Variants in HEPHL1 observed in about 807,000 individuals in gnomAD.
HEPHL1 encodes the protein hephaestin like 1.
HEPHL1 carries 123 observed loss-of-function variants against 122.0 expected under a neutral mutation model. That is an observed-to-expected ratio of 1.01 (90% CI 0.87 to 1.17). The LOEUF is 1.17. HEPHL1 is among the 50% of genes most tolerant of loss of function. The probability of loss-of-function intolerance (pLI) is 0.00; values close to 1 mark genes in which losing one functional copy is unlikely to be tolerated. For missense variants in HEPHL1, 1,452 were observed against 1,430.5 expected, an observed-to-expected ratio of 1.01 and a Z score of -0.24; for synonymous variants, 527 against 508.9, an observed-to-expected ratio of 1.04 and a Z score of -0.48.
chr11:94,085,950 T>A (rs759124603), intron 10 of HEPHL1, 27 bp from the exon 11 acceptor site: 7 of 1,569,794 alleles, frequency 4.5e-6, no homozygotes, highest in Non-Finnish European at 6.1e-6. Context: ...ACTGATAATT[T>A]TTCACCGTCT....
intron 1 of HEPHL1, among the ~76,000 whole-genome samples, chr11:94,036,106 C>A (rs867428646): frequency 1.3e-5 from 2 of 152,176 alleles, no homozygotes; most frequent in Admixed American, 6.5e-5. Context: ...GCCTGAAGTT[C>A]ATGGAAGCCC....
rs1395740862 is a variant in HEPHL1, at chr11:94,113,922, T to C, written c.*2028T>C. ...CACAAATAATATGACTTCTCAAACA[T>C]TGTTTCCTCAAACATAACTACACTC... On this transcript the variant is annotated 3_prime_UTR_variant, in exon 20 of 20. Transcript: ENST00000315765. 1.3e-5 allele frequency among the ~76,000 whole-genome samples: 2 copies of C among 152,210 alleles called. No individual in the cohort carries two copies. Among genetic ancestry groups the C allele is most frequent in the African/African-American group, 2.4e-5 (1 of 41,450 alleles).
At position 94,099,125 on chromosome 11, in the gene HEPHL1, T is replaced by A. The variant is rs1050299257; in HGVS notation, c.2435-2070T>A. ...AATTTTCAGCTTTTCTGCTCTGTTT[T>A]TTCCCCATCTTTGTGGTTTTATCTA... On this transcript the variant is annotated intron_variant, in intron 13 of 19. Transcript: ENST00000315765. Among the ~76,000 whole-genome samples, 4 of 152,246 alleles carry A rather than the reference T, an allele frequency of 2.6e-5. No homozygotes were observed. In the East Asian group the frequency reaches 7.7e-4, roughly 29 times the overall value.
intron 1 of HEPHL1, among the ~76,000 whole-genome samples, chr11:94,031,778 G>A (rs1250393074): frequency 6.6e-6 from 1 of 152,146 alleles, no homozygotes; most frequent in African/African-American, 2.4e-5. Flanking sequence ...TCCCTACCAC[G>A]GACTCCACCT....
In HEPHL1 at chr11:94,111,537, A is replaced by T. The variant is rs1339165508; in HGVS notation, c.3209A>T (p.Asp1070Val). 1 of 1,597,384 alleles carries T rather than the reference A, an allele frequency of 6.3e-7. No homozygotes were observed. The highest frequency in any genetic ancestry group is 1.1e-5 in the South Asian group (1 of 88,192). ...CAATGAACTTGTTTTCTTTGTGCAG[A>T]CAACAGGATTCCTTACTCCACCACA... Reference protein sequence around the residue: ...ETTYTVLRNIDNRIPYSTTSP... With the variant: ...ETTYTVLRNIVNRIPYSTTSP... The change falls in exon 19 of 20, where the codon GAC becomes GTC. Residue 1070 changes from aspartate (D) to valine (V), a missense_variant and splice_region_variant. Transcript: ENST00000315765.
intron 12 of HEPHL1, among the ~76,000 whole-genome samples, chr11:94,091,858 C>T (rs1006449871): frequency 1.3e-5 from 2 of 152,090 alleles, no homozygotes; most frequent in Non-Finnish European, 2.9e-5. Context: ...AGGGAGAGCA[C>T]ATCATGTTCA....
At chr11:94,104,163 T>C (rs1241260038) in intron 15 of HEPHL1, among the ~76,000 whole-genome samples, 2 of 151,462 alleles carry the variant, frequency 1.3e-5, no homozygotes, top group African/African-American at 2.4e-5. Context: ...GTAGAGGGAG[T>C]GTTTGGGACA....
At chr11:94,087,110 A>C (rs1201822386) in intron 11 of HEPHL1, among the ~76,000 whole-genome samples, 2 of 152,150 alleles carry the variant, frequency 1.3e-5, no homozygotes, top group Admixed American at 6.5e-5. Flanking sequence ...AGTCTTTTCT[A>C]TGTGAACTTT....
At chr11:94,028,533 G>T (rs972277098) in intron 1 of HEPHL1, among the ~76,000 whole-genome samples, 12 of 152,140 alleles carry the variant, frequency 7.9e-5, no homozygotes, top group East Asian at 7.7e-4. Flanking sequence ...CCAGGCACTG[G>T]CAATGTAATG....
At position 94,063,619 on chromosome 11, in the gene HEPHL1, C is replaced by CAG; in HGVS notation, c.528_529dup (p.Ala177GlufsTer7). ...GTGAGAGAAGAATATGCACCTACTC[C>CAG]AGCCGATGCCAACTGCCTGACCTGG... is the stretch of plus-strand genomic sequence containing the variant. On this transcript the variant is annotated frameshift_variant, in exon 3 of 20. Coordinates refer to ENST00000315765, the MANE Select transcript of HEPHL1 (RefSeq NM_001098672.2). LOFTEE classifies it high-confidence loss of function. 6.2e-7 allele frequency: 1 copy of CAG among 1,613,858 alleles called. No homozygotes were observed. The highest frequency in any genetic ancestry group is 8.5e-7 in the Non-Finnish European group (1 of 1,179,828).
chr11:94,023,526 A>G (rs1229703593), intron 1 of HEPHL1, among the ~76,000 whole-genome samples: 1 of 152,200 alleles, frequency 6.6e-6, no homozygotes, highest in Non-Finnish European at 1.5e-5. Flanking sequence ...TGGTGCTTTG[A>G]TGAAAGTACA....
Position 94,111,959 on chromosome 11 carries a change from G to T in HEPHL1, c.*65G>T. 3 of 1,232,830 alleles carry T rather than the reference G, an allele frequency of 2.4e-6. No individual in the cohort carries two copies. Among genetic ancestry groups the T allele is most frequent in the Non-Finnish European group, 3.3e-6 (3 of 903,920 alleles). 76.4% of individuals were successfully genotyped at this position (1,232,830 alleles called of 1,614,324 possible). ...CAGCTGGCCAGATGGCAGCCAACAG[G>T]GAAACTGGACCAAGGCATCACTCAC... On this transcript the variant is annotated 3_prime_UTR_variant, in exon 20 of 20. Coordinates refer to ENST00000315765, the MANE Select transcript of HEPHL1 (RefSeq NM_001098672.2).
chr11:94,028,517 T>C (rs1310845288), intron 1 of HEPHL1, among the ~76,000 whole-genome samples: 1 of 152,184 alleles, frequency 6.6e-6, no homozygotes, highest in Non-Finnish European at 1.5e-5. Context: ...ATCCACAGGA[T>C]TGGCCCCAGG....
At position 94,101,310 on chromosome 11, in the gene HEPHL1, A is replaced by G. The variant is rs775049980; in HGVS notation, c.2550A>G (p.Gln850=). 2.9e-5 allele frequency: 47 copies of G among 1,613,354 alleles called. No individual in the cohort carries two copies. The highest frequency in any genetic ancestry group is 1.6e-4 in the South Asian group (15 of 91,038). Residue 850 remains glutamine (Q), a synonymous_variant, in exon 14 of 20, where the codon CAA becomes CAG. Transcript: ENST00000315765. ...TGGAGGAGATGGATAGTGGAAAGCA[A>G]TTCCAAGTGCCCATGACAAAACCAG... is the stretch of plus-strand genomic sequence containing the variant. ...QGVEEMDSGK[Q]FQVPMTKPGE...
rs1258584499 is a variant in HEPHL1 at position 94,104,526 on chromosome 11, A to T, written c.2683-2A>T. On this transcript the variant is annotated splice_acceptor_variant, in intron 15 of 19. Coordinates refer to ENST00000315765, the MANE Select transcript of HEPHL1 (RefSeq NM_001098672.2). LOFTEE classifies it high-confidence loss of function. ...TTTAACTCAGTTTATTTTTTCTTCC[A>T]GGATACGTATAGTGGTTTGATGGGT... The T allele has an allele frequency of 2.5e-6, 4 of 1,595,352 alleles. No individual in the cohort carries two copies. The highest frequency in any genetic ancestry group is 2.7e-5 in the African/African-American group (2 of 74,138).
intron 2 of HEPHL1, among the ~76,000 whole-genome samples, chr11:94,054,143 T>C (rs983799688): frequency 6.6e-6 from 1 of 152,196 alleles, no homozygotes; most frequent in Admixed American, 6.5e-5. Flanking sequence ...TATACAGATC[T>C]ATTTTCAAAG....
At chr11:94,062,896 T>C (rs1309334891) in intron 2 of HEPHL1, among the ~76,000 whole-genome samples, 3 of 152,198 alleles carry the variant, frequency 2.0e-5, no homozygotes, top group Non-Finnish European at 2.9e-5. Context: ...CTACCTTGTA[T>C]AGCACAGGCA....
intron 8 of HEPHL1, among the ~76,000 whole-genome samples, chr11:94,074,641 T>C (rs1351180007): frequency 6.6e-6 from 1 of 152,110 alleles, no homozygotes; most frequent in Non-Finnish European, 1.5e-5. Context: ...GTGCACAGTC[T>C]TTGGAATCAG....
At chr11:94,050,390 C>T (rs898701976) in intron 2 of HEPHL1, among the ~76,000 whole-genome samples, 2 of 152,056 alleles carry the variant, frequency 1.3e-5, no homozygotes, top group Admixed American at 1.3e-4. Context: ...GTAGTGAGAC[C>T]AGATATTCTT....
Sources: allele counts gnomAD v4.1 joint callset (sites outside exome capture counted in the v4.1 genomes callset), GRCh38; gene constraint gnomAD v4.1.1; transcripts MANE v1.5; gene names NCBI Gene and HGNC (gene_info 2026-07-23, HGNC 2026-07-21).